Variants in PPFIA2 observed in about 807,000 individuals in gnomAD.
PPFIA2 encodes liprin-alpha-2.
Under a neutral mutation model 175.5 loss-of-function variants are expected in PPFIA2, and 46 were observed. That is an observed-to-expected ratio of 0.26 (90% CI 0.21 to 0.34). The LOEUF is 0.34. PPFIA2 is among the 10% of genes least tolerant of loss of function. The pLI is 1.00. For synonymous variants in PPFIA2, 568 were observed against 511.4 expected, an observed-to-expected ratio of 1.11 and a Z score of -1.49; for missense variants, 1,179 against 1,506.1, an observed-to-expected ratio of 0.78 and a Z score of 3.60.
At chr12:81,427,572 G>A (rs1297792047) in intron 7 of PPFIA2, among the ~76,000 whole-genome samples, 18 of 151,862 alleles carry the variant, frequency 1.2e-4, no homozygotes, top group Admixed American at 1.2e-3. Context: ...AACAAATAAG[G>A]TATTTGTTTA....
At chr12:81,531,352 C>T (rs1209768564) in intron 4 of PPFIA2, among the ~76,000 whole-genome samples, 2 of 151,692 alleles carry the variant, frequency 1.3e-5, no homozygotes, top group African/African-American at 2.4e-5. Flanking sequence ...ATAATTAAAT[C>T]ACTAGGGTAG....
intron 23 of PPFIA2, among the ~76,000 whole-genome samples, chr12:81,297,858 G>A (rs1447709380): frequency 1.3e-5 from 2 of 152,188 alleles, no homozygotes; most frequent in African/African-American, 4.8e-5. Context: ...AAGGAGGAAC[G>A]AAAGGAGATG....
intron 7 of PPFIA2, among the ~76,000 whole-genome samples, chr12:81,410,021 C>T (rs940268256): frequency 6.6e-6 from 1 of 151,958 alleles, no homozygotes; most frequent in Non-Finnish European, 1.5e-5. Context: ...GGAATTAGTA[C>T]CAATATAAAA....
chr12:81,553,616 G>A (rs924339696), intron 4 of PPFIA2, among the ~76,000 whole-genome samples: 6 of 152,006 alleles, frequency 3.9e-5, no homozygotes, highest in Non-Finnish European at 7.4e-5. Context: ...AAGACTCTGC[G>A]GAAGAGAGGA....
intron 4 of PPFIA2, among the ~76,000 whole-genome samples, chr12:81,612,618 G>C (rs146011230): frequency 6.6e-6 from 1 of 152,084 alleles, no homozygotes; most frequent in African/African-American, 2.4e-5. Flanking sequence ...GACTCCACTG[G>C]GGTAACAGGA....
chr12:81,319,012 T>C (rs1190939243), intron 22 of PPFIA2, among the ~76,000 whole-genome samples: 1 of 151,756 alleles, frequency 6.6e-6, no homozygotes, highest in African/African-American at 2.4e-5. Flanking sequence ...AGAATTTATT[T>C]AGAAAATGAC....
At chr12:81,516,889 C>G (rs561554317) in intron 4 of PPFIA2, among the ~76,000 whole-genome samples, 1 of 152,230 alleles carries the variant, frequency 6.6e-6, no homozygotes, top group East Asian at 1.9e-4. Context: ...AAGGAAAGAT[C>G]TGAACCAGAA....
intron 3 of PPFIA2, among the ~76,000 whole-genome samples, chr12:81,687,180 T>G (rs2074545141): frequency 6.6e-6 from 1 of 152,066 alleles, no homozygotes; most frequent in Non-Finnish European, 1.5e-5. Context: ...CTCAAAATAC[T>G]TAAGTAAGGT....
At chr12:81,356,141 T>C (rs538894792) in intron 16 of PPFIA2, among the ~76,000 whole-genome samples, 4 of 152,300 alleles carry the variant, frequency 2.6e-5, no homozygotes, top group African/African-American at 9.6e-5. Flanking sequence ...GGGTTATTAA[T>C]TGATCTACTT....
At chr12:81,442,880 T>TATATAC (rs2050458823) in intron 6 of PPFIA2, among the ~76,000 whole-genome samples, 1 of 110,134 alleles carries the variant, frequency 9.1e-6, no homozygotes. Flanking sequence ...TATATATATA[T>TATATAC]ATATATATAT....
At chr12:81,704,826 G>T (rs2076914634) in intron 3 of PPFIA2, among the ~76,000 whole-genome samples, 1 of 151,730 alleles carries the variant, frequency 6.6e-6, no homozygotes, top group Non-Finnish European at 1.5e-5. Flanking sequence ...GCTCATACCT[G>T]TAATCCCAGC....
At chr12:81,283,970 C>T (rs2042680298) in intron 25 of PPFIA2, among the ~76,000 whole-genome samples, 1 of 152,062 alleles carries the variant, frequency 6.6e-6, no homozygotes, top group African/African-American at 2.4e-5. Flanking sequence ...CAAAAACTTC[C>T]AATGTTGCAA....
chr12:81,626,848 T>C (rs182978045), intron 4 of PPFIA2, among the ~76,000 whole-genome samples: 1 of 152,190 alleles, frequency 6.6e-6, no homozygotes, highest in African/African-American at 2.4e-5. Flanking sequence ...CTAGACACTT[T>C]TTCATCTTGA....
rs1277853210 is a variant in PPFIA2 at position 81,358,123 on chromosome 12, GTCT to G, written c.1729_1731del (p.Arg577del). The G allele has an allele frequency of 1.9e-6, 3 of 1,604,016 alleles. No homozygotes were observed. The highest frequency in any genetic ancestry group is 2.7e-5 in the African/African-American group (2 of 74,646). ...CGCACACCCATGCGGCCTCTCCTTG[GTCT>G]TCTTATTACTTTAGTTGTTCTGTAA... On this transcript the variant is annotated inframe_deletion, in exon 16 of 33. Coordinates refer to ENST00000549396, the MANE Select transcript of PPFIA2 (RefSeq NM_003625.5).
chr12:81,508,704 G>A (rs1025193567), intron 4 of PPFIA2, among the ~76,000 whole-genome samples: 7 of 150,886 alleles, frequency 4.6e-5, no homozygotes, highest in Middle Eastern at 3.4e-3. Context: ...TTGCTGGTGC[G>A]CTGCATCCAC....
chr12:81,548,180 C>T (rs915168226), intron 4 of PPFIA2, among the ~76,000 whole-genome samples: 25 of 152,088 alleles, frequency 1.6e-4, no homozygotes, highest in African/African-American at 4.6e-4. Context: ...TCCCAAGATT[C>T]GTTGACTCCA....
In PPFIA2 at chr12:81,641,715, T is replaced by C. The variant is rs2064997279; in HGVS notation, c.303+35076A>G. 2.0e-5 allele frequency among the ~76,000 whole-genome samples: 3 copies of C among 152,298 alleles called. No homozygotes were observed. In the South Asian group the frequency reaches 6.2e-4, roughly 32 times the overall value. ...ATAAACAAGCCCAGCCAAGTTCACCTGAGCCTTGCCCACATCAGCAGAACT... is the reference window on the plus strand; with the variant it reads ...ATAAACAAGCCCAGCCAAGTTCACCCGAGCCTTGCCCACATCAGCAGAACT... On this transcript the variant is annotated intron_variant, in intron 4 of 32. Transcript: ENST00000549396.
chr12:81,269,980 G>A (rs1434807323), intron 28 of PPFIA2, among the ~76,000 whole-genome samples: 1 of 152,066 alleles, frequency 6.6e-6, no homozygotes, highest in African/African-American at 2.4e-5. Flanking sequence ...TACACTGCTT[G>A]GTTGATGAGT....
At chr12:81,454,703 T>G (rs2145687521) in intron 5 of PPFIA2, among the ~76,000 whole-genome samples, 1 of 152,276 alleles carries the variant, frequency 6.6e-6, no homozygotes, top group Middle Eastern at 3.4e-3. Context: ...CCACACATGG[T>G]TTCATGGACT....
Sources: allele counts gnomAD v4.1 joint callset (sites outside exome capture counted in the v4.1 genomes callset), GRCh38; gene constraint gnomAD v4.1.1; transcripts MANE v1.5; gene names NCBI Gene and HGNC (gene_info 2026-07-23, HGNC 2026-07-21).